The following KRT77 variants were observed in gnomAD, a reference collection of about 807,000 sequenced individuals.
KRT77 encodes keratin, type II cytoskeletal 1b.
Under a neutral mutation model 51.5 loss-of-function variants are expected in KRT77, and 44 were observed. The ratio of observed to expected loss-of-function variants is 0.85; its 90% confidence interval spans 0.67 to 1.10. KRT77 has a LOEUF of 1.10. Among genes scored for constraint, KRT77 ranks in the 50% least tolerant of loss-of-function variants. The pLI, the probability that KRT77 is intolerant of heterozygous loss-of-function variation, is 0.00. For synonymous variants in KRT77, 293 were observed against 302.0 expected (o/e 0.97, Z 0.31); for missense variants, 763 against 743.9 (o/e 1.03, Z -0.30).
intron 3 of KRT77, 41 bp from the exon 4 acceptor site, chr12:52,695,908 C>T (rs758695371): frequency 4.8e-6 from 6 of 1,257,012 alleles, no homozygotes; most frequent in Non-Finnish European, 4.7e-6. Context: ...ATTGCCCAGG[C>T]ATTGCCTGCC....
Position 52,696,414 on chromosome 12 carries a change from T to C in KRT77, c.775A>G (p.Asn259Asp). The C allele has an allele frequency of 1.2e-6, 2 of 1,614,240 alleles. No individual in the cohort carries two copies. Among genetic ancestry groups the C allele is most frequent in the South Asian group, 1.1e-5 (1 of 91,086 alleles). Reference sequence around the variant, plus strand: ...TCATTCTCGCTGCCAGTCCTCTTGTTGATTTCATCCTCATACCTGTCAGGC... The same window carrying C: ...TCATTCTCGCTGCCAGTCCTCTTGTCGATTTCATCCTCATACCTGTCAGGC... ...DYKSKYEDEI[N>D]KRTGSENDFV... is the part of the protein sequence containing the mutation. Residue 259 changes from asparagine (N) to aspartate (D), a missense_variant, in exon 3 of 9, where the codon AAC becomes GAC. By Grantham distance (23) the Asn-to-Asp change is conservative. Transcript: ENST00000341809.
chr12:52,702,654 G>A (rs954112964), intron 1 of KRT77, among the ~76,000 whole-genome samples: 2 of 151,856 alleles, frequency 1.3e-5, no homozygotes, highest in African/African-American at 4.8e-5. Context: ...ATGAGAATGA[G>A]GGTACTACAC....
At chr12:52,701,625 T>C (rs543932821) in intron 1 of KRT77, among the ~76,000 whole-genome samples, 1 of 152,314 alleles carries the variant, frequency 6.6e-6, no homozygotes, top group South Asian at 2.1e-4. Context: ...GGGGAGGTGC[T>C]AGTGGCCGCT....
intron 1 of KRT77, among the ~76,000 whole-genome samples, chr12:52,698,710 G>A (rs980774620): frequency 1.3e-5 from 2 of 152,232 alleles, no homozygotes; most frequent in Non-Finnish European, 1.5e-5. Context: ...GTAATGACCA[G>A]CCTCCACCTT....
Position 52,694,735 on chromosome 12 carries a change from T to C in KRT77, c.971A>G (p.Asp324Gly). ...ISDTNVILSMDNNRSLDLDSI... is the reference protein window; with the variant it reads ...ISDTNVILSMGNNRSLDLDSI... ...GTCCAGGTCCAGGGAACGGTTATTG[T>C]CCATGGACAGGATGACGTTGGTGTC... Residue 324 changes from aspartate (D) to glycine (G), a missense_variant, in exon 5 of 9, where the codon GAC (aspartate) becomes GGC (glycine). Asp to Gly is a moderately conservative substitution (Grantham distance 94). Coordinates refer to ENST00000341809, the MANE Select transcript of KRT77 (RefSeq NM_175078.3). The C allele has an allele frequency of 6.2e-7, 1 of 1,613,096 alleles. No individual in the cohort carries two copies.
chr12:52,700,772 GGACTTGGGCTTTTCTTTCAGTCGA>G (rs1207202658), intron 1 of KRT77, among the ~76,000 whole-genome samples: 4 of 152,226 alleles, frequency 2.6e-5, no homozygotes, highest in Admixed American at 1.3e-4. Context: ...GGGCCTTGTA[GGACTTGGGCTTTTCTTTCAGTCGA>G]GACAAGAAGC....
Position 52,690,476 on chromosome 12 carries a change from G to A in KRT77, c.*689C>T, listed in dbSNP as rs1941686968. On this transcript the variant is annotated 3_prime_UTR_variant, in exon 9 of 9. Transcript: ENST00000341809. ...GCTATGGACCAAGAGGCAGGAATAG[G>A]CCGCTGGTGCAGAGGTTTTCCTTAC... 1.3e-5 allele frequency: 2 copies of A among 155,372 alleles called. No individual in the cohort carries two copies. Among genetic ancestry groups the A allele is most frequent in the Non-Finnish European group, 2.9e-5 (2 of 70,036 alleles). 9.6% of individuals were successfully genotyped at this position (155,372 alleles called of 1,614,324 possible).
At chr12:52,691,566 A>C in intron 8 of KRT77, 127 bp from the exon 9 acceptor site, 1 of 1,074,084 alleles carries the variant, frequency 9.3e-7, no homozygotes, top group Non-Finnish European at 1.3e-6. Flanking sequence ...AACCCCATAC[A>C]TTGAAAATTG....
At chr12:52,695,224 A>T in intron 4 of KRT77, 1 of 159,072 alleles carries the variant, frequency 6.3e-6, no homozygotes, top group Admixed American at 6.1e-5. Flanking sequence ...AAGTAATTTA[A>T]CCCCTCAGTG....
intron 1 of KRT77, among the ~76,000 whole-genome samples, chr12:52,702,389 A>C (rs1941896034): frequency 6.6e-6 from 1 of 151,988 alleles, no homozygotes; most frequent in Non-Finnish European, 1.5e-5. Flanking sequence ...GGATGAGTGA[A>C]TGAACAGATG....
At position 52,697,913 on chromosome 12, in the gene KRT77, C is replaced by G; in HGVS notation, c.544-17G>C. The G allele has an allele frequency of 6.2e-7, 1 of 1,608,720 alleles. No homozygotes were observed. The highest frequency in any genetic ancestry group is 1.1e-5 in the South Asian group (1 of 90,932). On this transcript the variant is annotated splice_polypyrimidine_tract_variant and intron_variant, in intron 1 of 8. Transcript: ENST00000341809. The stretch of plus-strand genomic sequence containing the variant: ...GAATCGCACCTAAGAGCAAGAGACC[C>G]CAGTCCACCCCAGGCCATGGATCAG...
At chr12:52,695,005 G>A in intron 4 of KRT77, 1 of 349,844 alleles carries the variant, frequency 2.9e-6, no homozygotes, top group East Asian at 4.9e-5. Context: ...GGAGCGTTCA[G>A]ATACCATCTC....
chr12:52,700,668 A>G (rs914903902), intron 1 of KRT77, among the ~76,000 whole-genome samples: 4 of 152,188 alleles, frequency 2.6e-5, no homozygotes, highest in Non-Finnish European at 5.9e-5. Flanking sequence ...TTGTATCCCG[A>G]AAGCTGTTCC....
Position 52,697,854 on chromosome 12 carries a change from AT to A in KRT77, c.585del (p.Lys195AsnfsTer8). On this transcript the variant is annotated frameshift_variant, in exon 2 of 9. Coordinates refer to ENST00000341809, the MANE Select transcript of KRT77 (RefSeq NM_175078.3). LOFTEE classifies it high-confidence loss of function. Reference sequence around the variant, plus strand: ...GTGTTCACCTGCTGCAGCAACTCCCATTTTGTTTGTAGCACCTGGTTCTGCT... The same window carrying A: ...GTGTTCACCTGCTGCAGCAACTCCCATTTGTTTGTAGCACCTGGTTCTGCT... ...LEQQNQVLQT[K>X]WELLQQVNTS... 1 of 1,613,814 alleles carries A rather than the reference AT, an allele frequency of 6.2e-7. No homozygotes were observed. Among genetic ancestry groups the A allele is most frequent in the Non-Finnish European group, 8.5e-7 (1 of 1,179,894 alleles).
At chr12:52,692,308 G>C (rs1233089164) in intron 7 of KRT77, 113 bp downstream of exon 7, 11 of 1,191,146 alleles carry the variant, frequency 9.2e-6, no homozygotes, top group Non-Finnish European at 1.3e-5. Flanking sequence ...GCTCACCCTG[G>C]GCTACCAATC....
rs10783528 is a variant in KRT77 at position 52,694,700 on chromosome 12, C to T, written c.1006G>A (p.Asp336Asn). 555,089 of 1,612,554 alleles carry T rather than the reference C, an allele frequency of 0.34. 98,431 individuals are homozygous for T. Among genetic ancestry groups the T allele is most frequent in the East Asian group, 0.6 (26,687 of 44,816 alleles). Residue 336 changes from aspartate to asparagine, a missense_variant, in exon 5 of 9, where the codon GAT (aspartate) becomes AAT (asparagine). Asp to Asn is a conservative substitution (Grantham distance 23). Coordinates refer to ENST00000341809, the MANE Select transcript of KRT77 (RefSeq NM_175078.3). ...AGTTCATACTGGGTCCGCACTGCAT[C>T]GATGATGCTGTCCAGGTCCAGGGAA... Reference protein sequence around the residue: ...NRSLDLDSIIDAVRTQYELIA... With the variant: ...NRSLDLDSIINAVRTQYELIA...
In KRT77 at chr12:52,691,140, G is replaced by C. The variant is rs566213884; in HGVS notation, c.*25C>G. Reference sequence around the variant, plus strand: ...GAGGAGAGGGCGGTGAGGGGCAGGCGTGATGTGTGGCAGAAACGAGGCCTC... The same window carrying C: ...GAGGAGAGGGCGGTGAGGGGCAGGCCTGATGTGTGGCAGAAACGAGGCCTC... On this transcript the variant is annotated 3_prime_UTR_variant, in exon 9 of 9. Transcript: ENST00000341809. 5 of 1,613,798 alleles carry C rather than the reference G, an allele frequency of 3.1e-6. No individual in the cohort carries two copies. The highest frequency in any genetic ancestry group is 4.2e-6 in the Non-Finnish European group (5 of 1,179,888).
chr12:52,690,964 T>G lies in KRT77; in HGVS notation c.*201A>C, dbSNP rs1592270565. ...GAATGTGCCTAGCTGTGAATCTGAC[T>G]GCAAGCCAGTGCCCTCCAAAGAGAG... On this transcript the variant is annotated 3_prime_UTR_variant, in exon 9 of 9. Coordinates refer to ENST00000341809, the MANE Select transcript of KRT77 (RefSeq NM_175078.3). 1.4e-6 allele frequency: 1 copy of G among 691,432 alleles called. No individual in the cohort carries two copies. The highest frequency in any genetic ancestry group is 2.4e-6 in the Non-Finnish European group (1 of 417,228). 42.8% of individuals were successfully genotyped at this position (691,432 alleles called of 1,614,324 possible).
rs1941824032 is a variant in KRT77 at position 52,697,905 on chromosome 12, A to G, written c.544-9T>C. Reference sequence around the variant, plus strand: ...TGCTCCAGGAATCGCACCTAAGAGCAAGAGACCCCAGTCCACCCCAGGCCA... The same window carrying G: ...TGCTCCAGGAATCGCACCTAAGAGCGAGAGACCCCAGTCCACCCCAGGCCA... On this transcript the variant is annotated splice_polypyrimidine_tract_variant and intron_variant, in intron 1 of 8. Coordinates refer to ENST00000341809, the MANE Select transcript of KRT77 (RefSeq NM_175078.3). 6.2e-7 allele frequency: 1 copy of G among 1,612,652 alleles called. No homozygotes were observed. The highest frequency in any genetic ancestry group is 8.5e-7 in the Non-Finnish European group (1 of 1,179,170).
Sources: allele counts gnomAD v4.1 joint callset (sites outside exome capture counted in the v4.1 genomes callset), GRCh38; gene constraint gnomAD v4.1.1; transcripts MANE v1.5; gene names NCBI Gene and HGNC (gene_info 2026-07-23, HGNC 2026-07-21).